The following ASTN2 variants were observed in gnomAD, a reference collection of about 807,000 sequenced individuals.
ASTN2 encodes the protein astrotactin 2, also known as astrotactin-2.
A neutral mutation model predicts 139.8 loss-of-function variants in ASTN2; 54 were observed. That is an observed-to-expected ratio of 0.39 (90% CI 0.31 to 0.48). The LOEUF (loss-of-function observed/expected upper bound fraction) is 0.48. Ranked by LOEUF, ASTN2 falls within the 20% of genes least tolerant of loss-of-function variation. The pLI is 0.95. For synonymous variants in ASTN2, 756 were observed against 719.5 expected (o/e 1.05, Z -0.81); for missense variants, 1,565 against 1,725.1 (o/e 0.91, Z 1.64).
intron 11 of ASTN2, among the ~76,000 whole-genome samples, chr9:116,847,445 A>G (rs1452813227): frequency 6.6e-6 from 1 of 152,194 alleles, no homozygotes; most frequent in Non-Finnish European, 1.5e-5. Context: ...GGGCTGAGGC[A>G]AGGGAGGCCA....
At chr9:116,927,005 G>A (rs1834772581) in intron 10 of ASTN2, among the ~76,000 whole-genome samples, 1 of 152,172 alleles carries the variant, frequency 6.6e-6, no homozygotes, top group East Asian at 1.9e-4. Flanking sequence ...ATGAATCGTG[G>A]TTTACAAGTT....
chr9:117,347,881 T>C (rs1829274259), intron 1 of ASTN2, among the ~76,000 whole-genome samples: 1 of 152,172 alleles, frequency 6.6e-6, no homozygotes, highest in Admixed American at 6.5e-5. Flanking sequence ...GACCTAAGTG[T>C]TATATGTCCA....
intron 20 of ASTN2, among the ~76,000 whole-genome samples, chr9:116,475,898 C>T (rs1007497647): frequency 6.6e-6 from 1 of 152,230 alleles, no homozygotes; most frequent in African/African-American, 2.4e-5. Flanking sequence ...TCCAGTTACA[C>T]TCTCTGCTGC....
intron 2 of ASTN2, among the ~76,000 whole-genome samples, chr9:117,238,901 G>T (rs913929336): frequency 6.6e-6 from 1 of 152,202 alleles, no homozygotes. Flanking sequence ...AAAATGGGTG[G>T]AGGGAAATAA....
chr9:116,747,522 C>T (rs112308996), intron 13 of ASTN2, among the ~76,000 whole-genome samples: 68 of 152,252 alleles, frequency 4.5e-4, no homozygotes, highest in African/African-American at 1.5e-3. Context: ...TATCTCCCTG[C>T]CAGAGGTGGG....
At chr9:117,003,326 C>T (rs1260213924) in intron 7 of ASTN2, among the ~76,000 whole-genome samples, 1 of 152,128 alleles carries the variant, frequency 6.6e-6, no homozygotes, top group Non-Finnish European at 1.5e-5. Flanking sequence ...AAATGCAGAA[C>T]CTCAGGCTTA....
Position 116,572,182 on chromosome 9 carries a change from C to T in ASTN2, c.3355+46142G>A, listed in dbSNP as rs148040547. 5.3e-5 allele frequency among the ~76,000 whole-genome samples: 8 copies of T among 152,258 alleles called. No homozygotes were observed. In the East Asian group the frequency reaches 1.2e-3, roughly 22 times the overall value. ...CCAGCTCCTCCTCCCCTTCGGGTGC[C>T]CCAGCCTCTCTCCCTGCCTTCTCCT... is the stretch of plus-strand genomic sequence containing the variant. On this transcript the variant is annotated intron_variant, in intron 19 of 22. Coordinates refer to ENST00000313400, the MANE Select transcript of ASTN2 (RefSeq NM_001365068.1).
chr9:116,747,396 G>T (rs78687622), intron 13 of ASTN2, among the ~76,000 whole-genome samples: 1 of 152,180 alleles, frequency 6.6e-6, no homozygotes, highest in Non-Finnish European at 1.5e-5. Context: ...TGTTGCAAAT[G>T]CCGATGCTGG....
At chr9:116,989,629 A>G (rs1836790979) in intron 7 of ASTN2, among the ~76,000 whole-genome samples, 1 of 144,422 alleles carries the variant, frequency 6.9e-6, no homozygotes, top group Admixed American at 7.1e-5. Flanking sequence ...TGTCACCCAG[A>G]TTGGAATGCA....
chr9:117,140,632 G>A (rs1830052379), intron 4 of ASTN2, among the ~76,000 whole-genome samples: 2 of 151,144 alleles, frequency 1.3e-5, no homozygotes, highest in South Asian at 2.1e-4. Context: ...GGAGGAGGAA[G>A]AGGAGGAGGA....
chr9:116,441,923 A>G (rs1289737234), intron 21 of ASTN2, among the ~76,000 whole-genome samples: 1 of 152,222 alleles, frequency 6.6e-6, no homozygotes. Flanking sequence ...AAAACATTTA[A>G]TCTTGCATGC....
intron 16 of ASTN2, among the ~76,000 whole-genome samples, chr9:116,687,778 G>C (rs1251670119): frequency 1.3e-5 from 2 of 151,960 alleles, no homozygotes; most frequent in Non-Finnish European, 2.9e-5. Context: ...GAACTGGGGG[G>C]CCCCGATGAG....
intron 1 of ASTN2, among the ~76,000 whole-genome samples, chr9:117,311,405 C>T (rs1236155050): frequency 1.3e-5 from 2 of 152,134 alleles, no homozygotes. Flanking sequence ...ACCAGTTATT[C>T]TGGCTCCTAG....
intron 16 of ASTN2, among the ~76,000 whole-genome samples, chr9:116,720,560 T>TTCTC (rs3041029): frequency 7.1e-4 from 105 of 148,886 alleles, no homozygotes; most frequent in Non-Finnish European, 1.1e-3. Flanking sequence ...CTCCCCTCTT[T>TTCTC]TCTCTCTCTC....
chr9:116,484,709 C>T (rs746118139), intron 20 of ASTN2, among the ~76,000 whole-genome samples: 10 of 151,994 alleles, frequency 6.6e-5, no homozygotes, highest in Non-Finnish European at 1.2e-4. Context: ...AGAAGTGTTC[C>T]GAGTTAGAGA....
intron 19 of ASTN2, among the ~76,000 whole-genome samples, chr9:116,503,177 A>G (rs1488936236): frequency 6.7e-6 from 1 of 149,494 alleles, no homozygotes; most frequent in Non-Finnish European, 1.5e-5. Flanking sequence ...GGAAGAAGGA[A>G]GAAGGAGGGA....
At chr9:117,043,605 G>A (rs1305725610) in intron 5 of ASTN2, among the ~76,000 whole-genome samples, 1 of 151,894 alleles carries the variant, frequency 6.6e-6, no homozygotes, top group Non-Finnish European at 1.5e-5. Flanking sequence ...AGTAACCCAC[G>A]GCCTTTAAGA....
intron 1 of ASTN2, among the ~76,000 whole-genome samples, chr9:117,369,977 T>C (rs1324949005): frequency 3.3e-5 from 5 of 152,104 alleles, no homozygotes; most frequent in Non-Finnish European, 7.4e-5. Flanking sequence ...ATATTTGTCA[T>C]GGCACGCTAG....
At chr9:116,656,338 A>T (rs1398381894) in intron 16 of ASTN2, among the ~76,000 whole-genome samples, 1 of 152,194 alleles carries the variant, frequency 6.6e-6, no homozygotes, top group Non-Finnish European at 1.5e-5. Flanking sequence ...CCCAAAGTAA[A>T]ATTAGTGCTC....
Sources: gnomAD v4.1 joint callset for allele counts (sites outside exome capture counted in the v4.1 genomes callset) on GRCh38, gnomAD v4.1.1 for gene constraint, MANE v1.5 for transcripts, NCBI Gene and HGNC (gene_info 2026-07-23, HGNC 2026-07-21) for gene names.